The following ZSCAN22 variants were observed in gnomAD, a reference collection of about 807,000 sequenced individuals.
ZSCAN22 encodes the protein zinc finger and SCAN domain containing 22, also known as zinc finger and SCAN domain-containing protein 22.
Under a neutral mutation model 12.4 loss-of-function variants are expected in ZSCAN22, and 7 were observed. That is an observed-to-expected ratio of 0.57 (90% CI 0.32 to 1.06). The LOEUF (loss-of-function observed/expected upper bound fraction) is 1.06, where lower values mean the gene tolerates loss of function less well. Ranked by LOEUF, ZSCAN22 falls within the 50% of genes least tolerant of loss-of-function variation. ZSCAN22 has a pLI of 0.04. For synonymous variants in ZSCAN22, 243 were observed against 255.9 expected, an observed-to-expected ratio of 0.95 and a Z score of 0.48; for missense variants, 576 against 631.7, an observed-to-expected ratio of 0.91 and a Z score of 0.94.
At chr19:58,331,215 CTTTTTTT>C (rs60442054) in intron 1 of ZSCAN22, among the ~76,000 whole-genome samples, 1 of 131,444 alleles carries the variant, frequency 7.6e-6, no homozygotes, top group Admixed American at 7.7e-5. Flanking sequence ...ATCAAATGCA[CTTTTTTT>C]TTTTTTTTTT....
intron 1 of ZSCAN22, among the ~76,000 whole-genome samples, chr19:58,330,863 C>G (rs961784638): frequency 3.9e-5 from 6 of 152,216 alleles, no homozygotes; most frequent in African/African-American, 1.4e-4. Flanking sequence ...GGCCATTGAG[C>G]CCAGCACCCA....
At position 58,341,240 on chromosome 19, in the gene ZSCAN22, A is replaced by AT. The variant is rs1253385538; in HGVS notation, c.*1918dup. ...CAATAAAATGTGACTGTATTGAGTC[A>AT]TTTTCTAGGGCCCCAGATCCCCTGG... is the stretch of plus-strand genomic sequence containing the variant. On this transcript the variant is annotated 3_prime_UTR_variant, in exon 3 of 3. Transcript: ENST00000329665. The AT allele has an allele frequency of 6.6e-6, 1 of 152,110 alleles. No homozygotes were observed. Among genetic ancestry groups the AT allele is most frequent in the African/African-American group, 2.4e-5 (1 of 41,426 alleles). 9.4% of individuals were successfully genotyped at this position (152,110 alleles called of 1,614,324 possible). A position where few individuals can be genotyped will look rare whatever the true frequency, so the allele number is the denominator to read the frequency against.
At position 58,341,475 on chromosome 19, in the gene ZSCAN22, A is replaced by C. The variant is rs556576964; in HGVS notation, c.*2149A>C. 1 of 152,328 alleles carries C rather than the reference A, an allele frequency of 6.6e-6. No homozygotes were observed. The highest frequency in any genetic ancestry group is 1.5e-5 in the Non-Finnish European group (1 of 68,044). 9.4% of individuals were successfully genotyped at this position (152,328 alleles called of 1,614,324 possible). A position where few individuals can be genotyped will look rare whatever the true frequency, so the allele number is the denominator to read the frequency against. ...CATTTGACCTGGCGTATTGTGTACT[A>C]GTCACCGTCACCATCTCTCCATATG... On this transcript the variant is annotated 3_prime_UTR_variant, in exon 3 of 3. Coordinates refer to ENST00000329665, the MANE Select transcript of ZSCAN22 (RefSeq NM_181846.3).
Position 58,338,601 on chromosome 19 carries a change from G to A in ZSCAN22, c.751G>A (p.Val251Met), listed in dbSNP as rs371214954. 1.5e-5 allele frequency: 25 copies of A among 1,614,126 alleles called. No homozygotes were observed. The highest frequency in any genetic ancestry group is 2.0e-5 in the Non-Finnish European group (24 of 1,180,054). Residue 251 changes from valine (V) to methionine (M), a missense_variant, in exon 3 of 3, where the codon GTG becomes ATG. Coordinates refer to ENST00000329665, the MANE Select transcript of ZSCAN22 (RefSeq NM_181846.3). The surrounding 1 kb of genome is among the most constrained non-coding windows in gnomAD (Gnocchi z 5.4). The part of the protein sequence containing the change: ...KPPSEDKFDL[V>M]DAYGTEPPYT... ...TCCTTCAGAAGACAAATTTGATCTG[G>A]TGGATGCTTATGGGACAGAGCCTCC...
rs771414044 is a variant in ZSCAN22 at position 58,338,993 on chromosome 19, G to T, written c.1143G>T (p.Glu381Asp). The T allele has an allele frequency of 4.3e-6, 7 of 1,612,242 alleles. No individual in the cohort carries two copies. In the Admixed American group the frequency reaches 1.0e-4, roughly 23 times the overall value. ...QRVHTGERPYECDACGKAFSQ... is the reference protein window; with the variant it reads ...QRVHTGERPYDCDACGKAFSQ... The stretch of plus-strand genomic sequence containing the variant: ...TGCACACGGGGGAGCGGCCCTACGA[G>T]TGTGACGCGTGTGGGAAAGCCTTCA... Residue 381 changes from glutamate to aspartate, a missense_variant, in exon 3 of 3, where the codon GAG (glutamate) becomes GAT (aspartate). By Grantham distance (45) the Glu-to-Asp change is conservative. Transcript: ENST00000329665. The surrounding 1 kb of genome is among the most constrained non-coding windows in gnomAD (Gnocchi z 5.4).
At position 58,338,867 on chromosome 19, in the gene ZSCAN22, G is replaced by A; in HGVS notation, c.1017G>A (p.Leu339=). 6.2e-7 allele frequency: 1 copy of A among 1,614,024 alleles called. No homozygotes were observed. The highest frequency in any genetic ancestry group is 8.5e-7 in the Non-Finnish European group (1 of 1,179,902). ...AGGCCTTCAGCCGAGTCACCCACCT[G>A]ACTCAGCACCAAAGGATTCATACTG... ...CGKAFSRVTH[L]TQHQRIHTGE... is the part of the protein sequence containing the mutation. Residue 339 remains leucine (L), a synonymous_variant, in exon 3 of 3, where the codon CTG becomes CTA. Coordinates refer to ENST00000329665, the MANE Select transcript of ZSCAN22 (RefSeq NM_181846.3). This position sits in a 1 kb window ranked among gnomAD's most constrained non-coding sequence, Gnocchi z 5.4.
At chr19:58,331,518 GTTATTATTATTATTATTATTA>G (rs74179462) in intron 1 of ZSCAN22, among the ~76,000 whole-genome samples, 5,820 of 119,408 alleles carry the variant, frequency 0.049, 197 homozygotes, top group South Asian at 0.078. Flanking sequence ...TCCAGCTGAC[GTTATTATTATTATTATTATTA>G]TTATTATTAT....
At position 58,335,333 on chromosome 19, in the gene ZSCAN22, C is replaced by T; in HGVS notation, c.403+128C>T. ...CTCACATTTGTACTTTACCGTAACT[C>T]TCACACACTGTTGTAGACAGGTGTG... is the stretch of plus-strand genomic sequence containing the variant. On this transcript the variant is annotated intron_variant, in intron 2 of 2. Transcript: ENST00000329665. The surrounding 1 kb of genome is among the most constrained non-coding windows in gnomAD (Gnocchi z 4.1). The T allele has an allele frequency of 8.0e-7, 1 of 1,250,138 alleles. No individual in the cohort carries two copies. Among genetic ancestry groups the T allele is most frequent in the Non-Finnish European group, 1.1e-6 (1 of 928,232 alleles). The allele number at this position is 1,250,138 out of a possible 1,614,324, so 77.4% of individuals were successfully genotyped here.
intron 2 of ZSCAN22, among the ~76,000 whole-genome samples, chr19:58,337,903 T>G (rs2051816211): frequency 6.6e-6 from 1 of 152,050 alleles, no homozygotes. Flanking sequence ...GGGGTGCATG[T>G]GCTCAGGGTC....
At chr19:58,328,872 G>C (rs1354077455) in intron 1 of ZSCAN22, among the ~76,000 whole-genome samples, 1 of 152,090 alleles carries the variant, frequency 6.6e-6, no homozygotes, top group Non-Finnish European at 1.5e-5. Context: ...TTTGCTTAAT[G>C]CCTGCTTATT....
chr19:58,337,866 G>C (rs112208407), intron 2 of ZSCAN22, among the ~76,000 whole-genome samples: 11 of 140,000 alleles, frequency 7.9e-5, no homozygotes, highest in South Asian at 2.4e-4. Flanking sequence ...GGACAGAACT[G>C]CAACCCCACA....
Position 58,329,336 on chromosome 19 carries a change from G to T in ZSCAN22, c.-52+2222G>T, listed in dbSNP as rs557277728. Reference sequence around the variant, plus strand: ...TCTCTGTCCAGGGTGACTTCCTTGAGCAGAGACTCCAGGCACACTGAGCGT... The same window carrying T: ...TCTCTGTCCAGGGTGACTTCCTTGATCAGAGACTCCAGGCACACTGAGCGT... On this transcript the variant is annotated intron_variant, in intron 1 of 2. Coordinates refer to ENST00000329665, the MANE Select transcript of ZSCAN22 (RefSeq NM_181846.3). The surrounding 1 kb of genome is among the most constrained non-coding windows in gnomAD (Gnocchi z 4.1). Among the ~76,000 whole-genome samples the T allele has an allele frequency of 3.9e-5, 6 of 152,196 alleles. No homozygotes were observed. Among genetic ancestry groups the T allele is most frequent in the Admixed American group, 3.9e-4 (6 of 15,286 alleles).
Position 58,339,232 on chromosome 19 carries a change from A to G in ZSCAN22, c.1382A>G (p.Glu461Gly), listed in dbSNP as rs1266102920. Residue 461 changes from glutamate to glycine, a missense_variant, in exon 3 of 3, where the codon GAG (glutamate) becomes GGG (glycine). Glu to Gly is a moderately conservative substitution (Grantham distance 98). Transcript: ENST00000329665. The surrounding 1 kb of genome is among the most constrained non-coding windows in gnomAD (Gnocchi z 5.6). ...GAGCACCAGAGGATCCACACGGGAGAGAAGCCTTATAAGTGCAGCGACTGT... is the reference window on the plus strand; with the variant it reads ...GAGCACCAGAGGATCCACACGGGAGGGAAGCCTTATAAGTGCAGCGACTGT... The part of the protein sequence containing the change: ...LIEHQRIHTG[E>G]KPYKCSDCGK... 3 of 1,614,104 alleles carry G rather than the reference A, an allele frequency of 1.9e-6. No individual in the cohort carries two copies. Among genetic ancestry groups the G allele is most frequent in the Non-Finnish European group, 1.7e-6 (2 of 1,180,020 alleles).
In ZSCAN22 at chr19:58,339,247, G is replaced by A; in HGVS notation, c.1397G>A (p.Cys466Tyr). ...RIHTGEKPYK[C>Y]SDCGKAFSRS... is the part of the protein sequence containing the mutation. ...CACACGGGAGAGAAGCCTTATAAGT[G>A]CAGCGACTGTGGGAAGGCCTTCAGT... The change falls in exon 3 of 3, where the codon TGC becomes TAC. Residue 466 changes from cysteine (C) to tyrosine (Y), a missense_variant. By Grantham distance (194) the Cys-to-Tyr change is radical (BLOSUM62 -2). Transcript: ENST00000329665. This position sits in a 1 kb window ranked among gnomAD's most constrained non-coding sequence, Gnocchi z 5.6. 2 of 1,614,232 alleles carry A rather than the reference G, an allele frequency of 1.2e-6. No individual in the cohort carries two copies. The highest frequency in any genetic ancestry group is 1.1e-5 in the South Asian group (1 of 91,090).
chr19:58,339,206 T>C lies in ZSCAN22; in HGVS notation c.1356T>C (p.Ile452=). 2 of 1,613,478 alleles carry C rather than the reference T, an allele frequency of 1.2e-6. No individual in the cohort carries two copies. The highest frequency in any genetic ancestry group is 1.7e-6 in the Non-Finnish European group (2 of 1,179,830). ...PKAFAQSSSL[I]EHQRIHTGEK... is the part of the protein sequence containing the mutation. Reference sequence around the variant, plus strand: ...CCTTTGCACAGAGCTCCTCCCTCATTGAGCACCAGAGGATCCACACGGGAG... The same window carrying C: ...CCTTTGCACAGAGCTCCTCCCTCATCGAGCACCAGAGGATCCACACGGGAG... Residue 452 remains isoleucine, a synonymous_variant, in exon 3 of 3, where the codon ATT becomes ATC. Coordinates refer to ENST00000329665, the MANE Select transcript of ZSCAN22 (RefSeq NM_181846.3). This position sits in a 1 kb window ranked among gnomAD's most constrained non-coding sequence, Gnocchi z 5.6.
chr19:58,331,969 G>A (rs182580626), intron 1 of ZSCAN22, among the ~76,000 whole-genome samples: 22 of 152,182 alleles, frequency 1.4e-4, no homozygotes, highest in Non-Finnish European at 2.9e-5. Flanking sequence ...CACCTTCCAG[G>A]TTAAAGGGTT....
At chr19:58,333,849 A>G (rs1475304130) in intron 1 of ZSCAN22, among the ~76,000 whole-genome samples, 1 of 152,264 alleles carries the variant, frequency 6.6e-6, no homozygotes, top group African/African-American at 2.4e-5. Context: ...TCTCAAAAAA[A>G]TAAAATAAAT....
chr19:58,342,180 G>C lies in ZSCAN22; in HGVS notation c.*2854G>C, dbSNP rs2051884024. On this transcript the variant is annotated 3_prime_UTR_variant, in exon 3 of 3. Coordinates refer to ENST00000329665, the MANE Select transcript of ZSCAN22 (RefSeq NM_181846.3). ...TACCAAATAATTTATATACATCTCA[G>C]TCCTCACACAACCATCCCTGTTTTA... is the stretch of plus-strand genomic sequence containing the variant. 6.6e-6 allele frequency: 1 copy of C among 152,182 alleles called. No homozygotes were observed. The highest frequency in any genetic ancestry group is 2.4e-5 in the African/African-American group (1 of 41,444). The allele number at this position is 152,182 out of a possible 1,614,324, so 9.4% of individuals were successfully genotyped here.
At position 58,341,259 on chromosome 19, in the gene ZSCAN22, C is replaced by G. The variant is rs1169232300; in HGVS notation, c.*1933C>G. 2.6e-5 allele frequency: 4 copies of G among 152,264 alleles called. No individual in the cohort carries two copies. Among genetic ancestry groups the G allele is most frequent in the African/African-American group, 9.6e-5 (4 of 41,546 alleles). The allele number at this position is 152,264 out of a possible 1,614,324, so 9.4% of individuals were successfully genotyped here. ...TGAGTCATTTTCTAGGGCCCCAGATCCCCTGGTGTCATGGACTTAGTCTTT... is the reference window on the plus strand; with the variant it reads ...TGAGTCATTTTCTAGGGCCCCAGATGCCCTGGTGTCATGGACTTAGTCTTT... On this transcript the variant is annotated 3_prime_UTR_variant, in exon 3 of 3. Transcript: ENST00000329665.
Sources: gnomAD v4.1 joint callset for allele counts (sites outside exome capture counted in the v4.1 genomes callset) on GRCh38, gnomAD v4.1.1 for gene constraint, Gnocchi (gnomAD v3.1) non-coding constraint, MANE v1.5 for transcripts, NCBI Gene and HGNC (gene_info 2026-07-23, HGNC 2026-07-21) for gene names.